The following ABCA1 variants were observed in gnomAD, a reference collection of about 807,000 sequenced individuals.
ABCA1 encodes phospholipid-transporting ATPase ABCA1.
In ABCA1, 133 loss-of-function variants were observed where a neutral mutation model predicts 262.5. The ratio of observed to expected loss-of-function variants is 0.51; its 90% confidence interval spans 0.44 to 0.59. The LOEUF (loss-of-function observed/expected upper bound fraction) is 0.59. Among genes scored for constraint, ABCA1 ranks in the 20% least tolerant of loss-of-function variants. The pLI, the probability that ABCA1 is intolerant of heterozygous loss-of-function variation, is 0.00. For missense variants in ABCA1, 2,452 were observed against 2,777.5 expected, an observed-to-expected ratio of 0.88 and a Z score of 2.63; for synonymous variants, 1,022 against 1,043.5, an observed-to-expected ratio of 0.98 and a Z score of 0.40.
intron 28 of ABCA1, among the ~76,000 whole-genome samples, chr9:104,811,814 A>G (rs1321890869): frequency 6.6e-6 from 1 of 152,234 alleles, no homozygotes; most frequent in Non-Finnish European, 1.5e-5. Flanking sequence ...AAGGTAACTG[A>G]GGATCAGAGA....
rs369470164 is a variant in ABCA1 at position 104,792,538 on chromosome 9, A to T, written c.5757+248T>A. Among the ~76,000 whole-genome samples, 130 of 152,342 alleles carry T rather than the reference A, an allele frequency of 8.5e-4. 2 individuals carry two copies. In the South Asian group the frequency reaches 0.025, roughly 29 times the overall value. On this transcript the variant is annotated intron_variant, in intron 42 of 49. Coordinates refer to ENST00000374736, the MANE Select transcript of ABCA1 (RefSeq NM_005502.4). ...CAATATTAGTATGTTTTAATAACTAACACATAAATGTAAGCATATAAAACC... is the reference window on the plus strand; with the variant it reads ...CAATATTAGTATGTTTTAATAACTATCACATAAATGTAAGCATATAAAACC...
intron 4 of ABCA1, 95 bp downstream of exon 4, chr9:104,884,332 C>G: frequency 6.6e-7 from 1 of 1,525,868 alleles, no homozygotes; most frequent in South Asian, 1.1e-5. Context: ...AACAACTTCA[C>G]TTAAATCCAG....
intron 1 of ABCA1, among the ~76,000 whole-genome samples, chr9:104,907,240 C>A (rs1841211173): frequency 6.6e-6 from 1 of 152,196 alleles, no homozygotes; most frequent in Non-Finnish European, 1.5e-5. Context: ...CTTTTTCAAG[C>A]ACTGCTAGCC....
intron 1 of ABCA1, among the ~76,000 whole-genome samples, chr9:104,913,655 G>A (rs963724303): frequency 2.0e-5 from 3 of 152,074 alleles, no homozygotes; most frequent in African/African-American, 7.2e-5. Flanking sequence ...TGCCACTTCT[G>A]ACCATTGTTT....
Position 104,826,953 on chromosome 9 carries a change from A to G in ABCA1, c.2332T>C (p.Phe778Leu). The G allele has an allele frequency of 1.2e-6, 2 of 1,613,718 alleles. No homozygotes were observed. The highest frequency in any genetic ancestry group is 1.1e-5 in the South Asian group (1 of 91,052). The change falls in exon 16 of 50, where the codon TTC (phenylalanine) becomes CTC (leucine). Residue 778 changes from phenylalanine to leucine, a missense_variant. By Grantham distance (22) the Phe-to-Leu change is conservative. This residue lies in a region of ABCA1 where 1,032 missense variants were observed against 1,089.7 expected (regional missense o/e 0.95). Coordinates refer to ENST00000374736, the MANE Select transcript of ABCA1 (RefSeq NM_005502.4). Reference protein sequence around the residue: ...QDYVGFTLKIFASLLSPVAFG... With the variant: ...QDYVGFTLKILASLLSPVAFG... ...GAAAGGCCAGAGGTACTCACAGCGA[A>G]GATCTTGAGTGTGAAGCCCACGTAG...
At chr9:104,888,898 A>G (rs1267291279) in intron 3 of ABCA1, among the ~76,000 whole-genome samples, 1 of 152,252 alleles carries the variant, frequency 6.6e-6, no homozygotes, top group East Asian at 1.9e-4. Context: ...TGTTATAATT[A>G]CAATTATCAC....
chr9:104,813,731 G>A (rs1831483328), intron 27 of ABCA1, among the ~76,000 whole-genome samples: 2 of 152,140 alleles, frequency 1.3e-5, no homozygotes, highest in Admixed American at 1.3e-4. Context: ...CTAAGTCTTA[G>A]GGTACAATTA....
In ABCA1 at chr9:104,840,324, T is replaced by G. The variant is rs1466824632; in HGVS notation, c.1009A>C (p.Asn337His). 1.2e-6 allele frequency: 2 copies of G among 1,614,210 alleles called. No homozygotes were observed. Among genetic ancestry groups the G allele is most frequent in the Non-Finnish European group, 1.7e-6 (2 of 1,180,046 alleles). ...GTTTCAGCATCTTCCTCAGTGCCATTGCCTCCAAAGAGGGCTTTGTAGTTG... is the reference window on the plus strand; with the variant it reads ...GTTTCAGCATCTTCCTCAGTGCCATGGCCTCCAAAGAGGGCTTTGTAGTTG... Reference protein sequence around the residue: ...DNNYKALFGGNGTEEDAETFY... With the variant: ...DNNYKALFGGHGTEEDAETFY... The change falls in exon 9 of 50, where the codon AAT (asparagine) becomes CAT (histidine). Residue 337 changes from asparagine (N) to histidine (H), a missense_variant. By Grantham distance (68) the Asn-to-His change is moderately conservative. Coordinates refer to ENST00000374736, the MANE Select transcript of ABCA1 (RefSeq NM_005502.4).
chr9:104,881,147 T>TAAAAAAAAA lies in ABCA1; in HGVS notation c.421+1891_421+1892insTTTTTTTTT, dbSNP rs1554740031. Among the ~76,000 whole-genome samples the TAAAAAAAAA allele has an allele frequency of 2.1e-3, 319 of 152,054 alleles. 1 individual carries two copies. Among genetic ancestry groups the TAAAAAAAAA allele is most frequent in the South Asian group, 0.015 (71 of 4,780 alleles). On this transcript the variant is annotated intron_variant, in intron 5 of 49. Transcript: ENST00000374736. ...CTGGTGACAGAGCGAGGCTCTGTCTTAAAAGAAAAGAAAAGAAAAGAAAAA... is the reference window on the plus strand; with the variant it reads ...CTGGTGACAGAGCGAGGCTCTGTCTTAAAAAAAAAAAAAGAAAAGAAAAGAAAAGAAAAA...
chr9:104,919,436 C>A (rs7872225), intron 1 of ABCA1, among the ~76,000 whole-genome samples: 13,435 of 152,002 alleles, frequency 0.088, 897 homozygotes, highest in African/African-American at 0.19. Flanking sequence ...ATAGTAAAAC[C>A]CCGTCTCTAT....
intron 4 of ABCA1, among the ~76,000 whole-genome samples, chr9:104,883,948 G>A (rs949840300): frequency 3.9e-5 from 6 of 152,216 alleles, no homozygotes; most frequent in African/African-American, 1.4e-4. Context: ...TCACACTCAG[G>A]GGAGAAAGAC....
chr9:104,833,351 T>C (rs1170023852), intron 11 of ABCA1, among the ~76,000 whole-genome samples: 1 of 152,040 alleles, frequency 6.6e-6, no homozygotes, highest in Non-Finnish European at 1.5e-5. Context: ...CTGGCTAATT[T>C]TTAATTTTTT....
At chr9:104,883,185 G>C in intron 4 of ABCA1, 28 bp from the exon 5 acceptor site, 1 of 1,588,900 alleles carries the variant, frequency 6.3e-7, no homozygotes, top group Non-Finnish European at 8.6e-7. Context: ...AAAGGCGAAA[G>C]GCTTTAGCTA....
chr9:104,788,549 A>G lies in ABCA1; in HGVS notation c.5946T>C (p.His1982=). 6.2e-7 allele frequency: 1 copy of G among 1,614,212 alleles called. No homozygotes were observed. The highest frequency in any genetic ancestry group is 8.5e-7 in the Non-Finnish European group (1 of 1,180,018). Residue 1982 remains histidine (H), a synonymous_variant, in exon 45 of 50, where the codon CAT becomes CAC. Coordinates refer to ENST00000374736, the MANE Select transcript of ABCA1 (RefSeq NM_005502.4). ...AGTAGCCCATGTTCTGATGTACTTC[A>G]TGGATGTTTGATAAGATACTGCAAA... is the stretch of plus-strand genomic sequence containing the variant. ...LNKNSILSNI[H]EVHQNMGYCP... is the part of the protein sequence containing the mutation.
At chr9:104,841,501 T>C (rs1834369756) in intron 8 of ABCA1, among the ~76,000 whole-genome samples, 1 of 152,104 alleles carries the variant, frequency 6.6e-6, no homozygotes, top group Non-Finnish European at 1.5e-5. Context: ...ATGTCCCTCG[T>C]CAGCTTACAG....
At chr9:104,849,896 T>C (rs1019187029) in intron 7 of ABCA1, among the ~76,000 whole-genome samples, 4 of 152,190 alleles carry the variant, frequency 2.6e-5, no homozygotes, top group African/African-American at 7.2e-5. Context: ...TGCACACTTA[T>C]ACAATGTGAA....
rs771385885 is a variant in ABCA1, at chr9:104,845,547, G to A, written c.743C>T (p.Pro248Leu). The change falls in exon 8 of 50, where the codon CCC (proline) becomes CTC (leucine). Residue 248 changes from proline (P) to leucine (L), a missense_variant. Coordinates refer to ENST00000374736, the MANE Select transcript of ABCA1 (RefSeq NM_005502.4). ...PILRTLNSTS[P>L]FPSKELAEAT... ...TTCAGCCAGCTCCTTGCTCGGGAAG[G>A]GAGATGTAGAGTTTAGTGTTCTCTG... 1.2e-6 allele frequency: 2 copies of A among 1,613,658 alleles called. No homozygotes were observed. Among genetic ancestry groups the A allele is most frequent in the Non-Finnish European group, 1.7e-6 (2 of 1,179,732 alleles).
intron 8 of ABCA1, among the ~76,000 whole-genome samples, chr9:104,845,232 G>A (rs1222729444): frequency 1.3e-5 from 2 of 152,260 alleles, no homozygotes; most frequent in East Asian, 3.9e-4. Flanking sequence ...AATGGAGAAG[G>A]TTCTAAACTA....
chr9:104,851,477 C>CCACCT (rs1173369062), intron 7 of ABCA1, among the ~76,000 whole-genome samples: 1 of 152,192 alleles, frequency 6.6e-6, no homozygotes, highest in Non-Finnish European at 1.5e-5. Context: ...CCCCTAAATG[C>CCACCT]CACCTTCTCT....
Sources: allele counts gnomAD v4.1 joint callset (sites outside exome capture counted in the v4.1 genomes callset), GRCh38; gene constraint gnomAD v4.1.1; regional missense constraint gnomAD v4.1.1; transcripts MANE v1.5; gene names NCBI Gene and HGNC (gene_info 2026-07-23, HGNC 2026-07-21).